Variants in TMEM156 observed in about 807,000 individuals in gnomAD.
TMEM156 encodes the protein transmembrane protein 156.
TMEM156 carries 28 observed loss-of-function variants against 30.5 expected under a neutral mutation model. That is an observed-to-expected ratio of 0.92 (90% CI 0.68 to 1.26). The LOEUF is 1.26. Among genes scored for constraint, TMEM156 ranks in the 50% most tolerant of loss-of-function variants. The pLI is 0.00. For missense variants in TMEM156, 351 were observed against 340.6 expected (o/e 1.03, Z -0.24); for synonymous variants, 137 against 119.9 (o/e 1.14, Z -0.93).
In TMEM156 at chr4:38,998,891, G is replaced by A. The variant is rs1275236510; in HGVS notation, c.107C>T (p.Ser36Leu). The change falls in exon 2 of 7, where the codon TCA becomes TTA. Residue 36 changes from serine (S) to leucine (L), a missense_variant. Ser to Leu is a moderately radical substitution (Grantham distance 145). Transcript: ENST00000381938. ...KTPKERTLEL[S>L]CLEVCLQSNF... ...AGATTGCAAACACACTTCCAGACAT[G>A]ATAGCTCCAATGTTCTTTCTGTAAA... The A allele has an allele frequency of 6.2e-7, 1 of 1,612,258 alleles. No individual in the cohort carries two copies. The highest frequency in any genetic ancestry group is 1.3e-5 in the African/African-American group (1 of 74,786).
Position 38,975,189 on chromosome 4 carries a change from T to C in TMEM156, c.824-4052A>G, listed in dbSNP as rs114283060. Among the ~76,000 whole-genome samples, 1,015 of 152,086 alleles carry C rather than the reference T, an allele frequency of 6.7e-3. 7 individuals carry two copies. Among genetic ancestry groups the C allele is most frequent in the Admixed American group, 0.017 (253 of 15,272 alleles). ...GAGGGGAAAATGAGACCCGAGGCCA[T>C]CTTTACCTGGCCCACAGCACTCATC... On this transcript the variant is annotated intron_variant, in intron 5 of 6. Transcript: ENST00000381938.
At chr4:38,999,029 A>C (rs73236700) in intron 1 of TMEM156, 120 bp from the exon 2 acceptor site, 9 of 637,136 alleles carry the variant, frequency 1.4e-5, no homozygotes, top group African/African-American at 1.3e-4. Flanking sequence ...TCAGCTTATC[A>C]GAGACAAGAC....
chr4:39,002,905 G>A (rs909551026), intron 1 of TMEM156, among the ~76,000 whole-genome samples: 3 of 151,908 alleles, frequency 2.0e-5, no homozygotes, highest in African/African-American at 7.3e-5. Context: ...ACGGGGGAGG[G>A]ATAGCATTGG....
chr4:38,982,092 C>T (rs11936324), intron 5 of TMEM156, among the ~76,000 whole-genome samples: 27,934 of 152,102 alleles, frequency 0.18, 3,047 homozygotes, highest in African/African-American at 0.3. Context: ...GAGTGGGCAC[C>T]ATCTAATCAG....
chr4:39,026,148 T>G (rs1715189834), intron 1 of TMEM156, among the ~76,000 whole-genome samples: 2 of 152,112 alleles, frequency 1.3e-5, no homozygotes, highest in South Asian at 4.1e-4. Context: ...ATAAATCATA[T>G]AGGTGATAAA....
chr4:38,997,866 G>A (rs560109056), intron 2 of TMEM156, among the ~76,000 whole-genome samples: 81 of 152,236 alleles, frequency 5.3e-4, no homozygotes, highest in Non-Finnish European at 1.0e-3. Flanking sequence ...AGTAAGCAAA[G>A]ACAAAGGCCC....
chr4:39,001,056 A>G (rs1713307712), intron 1 of TMEM156, among the ~76,000 whole-genome samples: 1 of 152,070 alleles, frequency 6.6e-6, no homozygotes, highest in Admixed American at 6.6e-5. Context: ...CAACTAAGGA[A>G]TAGGCAACCT....
chr4:39,029,283 A>G (rs193002710), intron 1 of TMEM156, among the ~76,000 whole-genome samples: 266 of 152,212 alleles, frequency 1.7e-3, no homozygotes, highest in African/African-American at 5.9e-3. Context: ...ATGAGAAAAA[A>G]TGAAAAAAAA....
At chr4:38,969,196 A>G (rs1336675717) in intron 6 of TMEM156, among the ~76,000 whole-genome samples, 1 of 152,036 alleles carries the variant, frequency 6.6e-6, no homozygotes, top group African/African-American at 2.4e-5. Context: ...CCTTTAACCC[A>G]TTTCCCTTCA....
chr4:39,025,603 G>A (rs146350079), intron 1 of TMEM156, among the ~76,000 whole-genome samples: 142 of 152,250 alleles, frequency 9.3e-4, no homozygotes, highest in African/African-American at 3.3e-3. Flanking sequence ...GCTGGAGGCA[G>A]GGAGCAAAGT....
intron 1 of TMEM156, among the ~76,000 whole-genome samples, chr4:38,999,430 A>T (rs1352631243): frequency 1.3e-5 from 2 of 151,768 alleles, no homozygotes; most frequent in Non-Finnish European, 2.9e-5. Flanking sequence ...ACCATTCTCT[A>T]TTCTGGGGAA....
chr4:38,970,687 G>A (rs1050977614), intron 6 of TMEM156, among the ~76,000 whole-genome samples: 2 of 152,114 alleles, frequency 1.3e-5, no homozygotes, highest in African/African-American at 4.8e-5. Context: ...AATTGTGGAG[G>A]AGGCAGTTTG....
chr4:39,024,094 G>A (rs1215961921), intron 1 of TMEM156, among the ~76,000 whole-genome samples: 1 of 152,134 alleles, frequency 6.6e-6, no homozygotes, highest in Non-Finnish European at 1.5e-5. Context: ...GCCATGAAGT[G>A]GCGCCATCTT....
At chr4:39,029,816 G>A (rs1052951489) in intron 1 of TMEM156, among the ~76,000 whole-genome samples, 1 of 151,774 alleles carries the variant, frequency 6.6e-6, no homozygotes, top group African/African-American at 2.4e-5. Flanking sequence ...TATTAAATGA[G>A]GCTATAAAAA....
Position 38,996,972 on chromosome 4 carries a change from A to G in TMEM156, c.358+1668T>C, listed in dbSNP as rs369174091. Among the ~76,000 whole-genome samples, 73 of 152,344 alleles carry G rather than the reference A, an allele frequency of 4.8e-4. 3 individuals are homozygous for G. The South Asian group carries it at 0.015, about 31-fold the overall frequency. On this transcript the variant is annotated intron_variant, in intron 2 of 6. Coordinates refer to ENST00000381938, the MANE Select transcript of TMEM156 (RefSeq NM_024943.3). ...ATTGATAGATGAGTGGATAAAGAAAATGTAATAGACATAGCTAGGACCCAC... is the reference window on the plus strand; with the variant it reads ...ATTGATAGATGAGTGGATAAAGAAAGTGTAATAGACATAGCTAGGACCCAC...
At chr4:38,983,389 G>A (rs1166701911) in intron 5 of TMEM156, among the ~76,000 whole-genome samples, 3 of 152,080 alleles carry the variant, frequency 2.0e-5, no homozygotes, top group African/African-American at 7.2e-5. Flanking sequence ...ACTGTTTCTA[G>A]GGGTACGTTT....
chr4:39,019,543 CTGTT>C (rs918903055), intron 1 of TMEM156, among the ~76,000 whole-genome samples: 3 of 152,174 alleles, frequency 2.0e-5, no homozygotes, highest in African/African-American at 7.2e-5. Flanking sequence ...ATAAACGACT[CTGTT>C]TGTCCTCCCT....
At chr4:38,994,507 C>T (rs368282696) in intron 2 of TMEM156, among the ~76,000 whole-genome samples, 2 of 152,134 alleles carry the variant, frequency 1.3e-5, no homozygotes, top group Non-Finnish European at 2.9e-5. Flanking sequence ...ATTGGAGCAT[C>T]TAAAAGAAAA....
intron 1 of TMEM156, among the ~76,000 whole-genome samples, chr4:39,002,874 G>A (rs1713469521): frequency 6.6e-6 from 1 of 151,686 alleles, no homozygotes; most frequent in African/African-American, 2.4e-5. Flanking sequence ...TCACACTCTG[G>A]GGCCTGTTGT....
Sources: gnomAD v4.1 joint callset for allele counts (sites outside exome capture counted in the v4.1 genomes callset) on GRCh38, gnomAD v4.1.1 for gene constraint, MANE v1.5 for transcripts, NCBI Gene and HGNC (gene_info 2026-07-23, HGNC 2026-07-21) for gene names.